EPHB2: variants seen among roughly 807,000 people sequenced by gnomAD.
The protein encoded by EPHB2 is ephrin type-B receptor 2.
EPHB2 carries 18 observed loss-of-function variants against 96.4 expected under a neutral mutation model. That is an observed-to-expected ratio of 0.19 (90% CI 0.13 to 0.28). The LOEUF (loss-of-function observed/expected upper bound fraction) is 0.28. Among genes scored for constraint, EPHB2 ranks in the 10% least tolerant of loss-of-function variants. The probability of loss-of-function intolerance (pLI) is 1.00; values close to 1 mark genes in which losing one functional copy is unlikely to be tolerated. For synonymous variants in EPHB2, 506 were observed against 534.1 expected, an observed-to-expected ratio of 0.95 and a Z score of 0.72; for missense variants, 989 against 1,355.4, an observed-to-expected ratio of 0.73 and a Z score of 4.25.
chr1:22,785,632 G>A (rs938948172), intron 3 of EPHB2, among the ~76,000 whole-genome samples: 4 of 152,190 alleles, frequency 2.6e-5, no homozygotes, highest in African/African-American at 7.2e-5. Context: ...CCATCTGCAG[G>A]GCAGACAGAT....
chr1:22,884,657 G>A (rs1418980290), intron 6 of EPHB2, among the ~76,000 whole-genome samples: 1 of 151,202 alleles, frequency 6.6e-6, no homozygotes, highest in Non-Finnish European at 1.5e-5. Context: ...GAACCAATGG[G>A]TGGCTGGATA....
At chr1:22,853,357 C>T (rs1019409265) in intron 3 of EPHB2, among the ~76,000 whole-genome samples, 7 of 152,182 alleles carry the variant, frequency 4.6e-5, no homozygotes, top group African/African-American at 1.2e-4. Flanking sequence ...AAGCCTCTAT[C>T]GATCACCTCT....
At chr1:22,770,197 ATAGG>A (rs1275231351) in intron 1 of EPHB2, among the ~76,000 whole-genome samples, 5 of 152,092 alleles carry the variant, frequency 3.3e-5, no homozygotes, top group South Asian at 2.1e-4. Context: ...GGATGGGTAA[ATAGG>A]TAGGTGGGTG....
intron 3 of EPHB2, among the ~76,000 whole-genome samples, chr1:22,841,558 G>A (rs1198862285): frequency 1.3e-5 from 2 of 152,312 alleles, no homozygotes; most frequent in Admixed American, 6.5e-5. Flanking sequence ...AATAGAGATG[G>A]CATCTCCCTC....
chr1:22,772,426 G>A (rs965255499), intron 1 of EPHB2, among the ~76,000 whole-genome samples: 3 of 152,194 alleles, frequency 2.0e-5, no homozygotes, highest in African/African-American at 7.2e-5. Context: ...AGAGTCCTCG[G>A]GCAGAAGGAT....
intron 3 of EPHB2, among the ~76,000 whole-genome samples, chr1:22,805,373 A>T (rs1271548234): frequency 6.6e-6 from 1 of 152,180 alleles, no homozygotes; most frequent in Non-Finnish European, 1.5e-5. Context: ...CTGCCAGCCC[A>T]GAGTGGGCTG....
chr1:22,887,732 G>T (rs904909026), intron 6 of EPHB2, among the ~76,000 whole-genome samples: 3 of 152,212 alleles, frequency 2.0e-5, no homozygotes, highest in African/African-American at 7.2e-5. Context: ...GGTCCCCCAA[G>T]AACTCAAGGA....
intron 1 of EPHB2, among the ~76,000 whole-genome samples, chr1:22,734,560 T>C (rs1643784992): frequency 6.6e-6 from 1 of 152,054 alleles, no homozygotes; most frequent in African/African-American, 2.4e-5. Flanking sequence ...TAGCTGGGAT[T>C]ACAGGTGTGC....
rs1227880150 is a variant in EPHB2 at position 22,914,751 on chromosome 1, A to T, written c.*1181A>T. ...TCCCACCTGCCACCAGGCCTCACCA[A>T]AGCCCACTGCCATGGGGCCATCTGG... On this transcript the variant is annotated 3_prime_UTR_variant, in exon 16 of 16. Coordinates refer to ENST00000374630, the MANE Select transcript of EPHB2 (RefSeq NM_017449.5). The T allele has an allele frequency of 2.0e-5, 3 of 152,538 alleles. No individual in the cohort carries two copies. Among genetic ancestry groups the T allele is most frequent in the African/African-American group, 7.2e-5 (3 of 41,420 alleles). The allele number at this position is 152,538 out of a possible 1,614,324, so 9.4% of individuals were successfully genotyped here.
At chr1:22,795,477 T>A (rs1342566978) in intron 3 of EPHB2, among the ~76,000 whole-genome samples, 5 of 152,078 alleles carry the variant, frequency 3.3e-5, no homozygotes, top group African/African-American at 7.2e-5. Context: ...TTTTGTTTTG[T>A]TTTGTTTTGT....
intron 1 of EPHB2, among the ~76,000 whole-genome samples, chr1:22,754,807 G>A (rs1375717693): frequency 3.0e-5 from 4 of 133,270 alleles, no homozygotes; most frequent in Admixed American, 7.4e-5. Context: ...GGGGAGGTGA[G>A]AGGCAGGGGA....
At chr1:22,863,228 C>A in intron 4 of EPHB2, 36 bp downstream of exon 4, 1 of 1,613,690 alleles carries the variant, frequency 6.2e-7, no homozygotes, top group South Asian at 1.1e-5. Context: ...GATGGCTGGC[C>A]GAGTCCCAGG....
intron 1 of EPHB2, among the ~76,000 whole-genome samples, chr1:22,718,376 A>AT (rs1643346482): frequency 7.5e-6 from 1 of 133,288 alleles, no homozygotes; most frequent in African/African-American, 3.0e-5. Context: ...ATGGCTGTCA[A>AT]TTCTTTTTTT....
intron 1 of EPHB2, among the ~76,000 whole-genome samples, chr1:22,754,253 C>T (rs919999879): frequency 2.0e-5 from 3 of 152,176 alleles, no homozygotes; most frequent in Non-Finnish European, 4.4e-5. Context: ...TTGTGGTTCC[C>T]AGCTGTCAGT....
At chr1:22,886,620 CTT>C (rs869229952) in intron 6 of EPHB2, among the ~76,000 whole-genome samples, 1,753 of 96,084 alleles carry the variant, frequency 0.018, 38 homozygotes, top group African/African-American at 0.069. Flanking sequence ...CCAGCAGAGT[CTT>C]TTTTTTTTTT....
intron 3 of EPHB2, among the ~76,000 whole-genome samples, chr1:22,851,168 A>G (rs963000236): frequency 6.6e-6 from 1 of 152,004 alleles, no homozygotes; most frequent in Non-Finnish European, 1.5e-5. Flanking sequence ...CTCATTTTTT[A>G]AAATTTTTTT....
chr1:22,784,155 G>A lies in EPHB2; in HGVS notation c.127-237G>A, dbSNP rs1322909671. Among the ~76,000 whole-genome samples, 6 of 152,134 alleles carry A rather than the reference G, an allele frequency of 3.9e-5. No individual in the cohort carries two copies. The highest frequency in any genetic ancestry group is 1.2e-4 in the African/African-American group (5 of 41,430). On this transcript the variant is annotated intron_variant, in intron 2 of 15. Transcript: ENST00000374630. This position sits in a 1 kb window ranked among gnomAD's most constrained non-coding sequence, Gnocchi z 5.1. ...GGTCCCTGTCTCCTTTATCAGATTA[G>A]TGTACCCCTGACAGTAAGGGCAATG...
In EPHB2 at chr1:22,737,002, G is replaced by T. The variant is rs1283923409; in HGVS notation, c.61+25959G>T. ...ACCTGGGACTCCCCCAGGCCTCCAG[G>T]TGTCTGCGAATCCAGCCATCGGCGT... On this transcript the variant is annotated intron_variant, in intron 1 of 15. Coordinates refer to ENST00000374630, the MANE Select transcript of EPHB2 (RefSeq NM_017449.5). Among the ~76,000 whole-genome samples, 7 of 152,288 alleles carry T rather than the reference G, an allele frequency of 4.6e-5. No homozygotes were observed. The East Asian group carries it at 1.2e-3, about 25-fold the overall frequency.
At chr1:22,834,663 G>GCC (rs1240298165) in intron 3 of EPHB2, among the ~76,000 whole-genome samples, 1 of 152,056 alleles carries the variant, frequency 6.6e-6, no homozygotes, top group Non-Finnish European at 1.5e-5. Flanking sequence ...GGTGGCTCAT[G>GCC]CCTGTAATTC....
Sources: gnomAD v4.1 joint callset for allele counts (sites outside exome capture counted in the v4.1 genomes callset) on GRCh38, gnomAD v4.1.1 for gene constraint, Gnocchi (gnomAD v3.1) non-coding constraint, MANE v1.5 for transcripts, NCBI Gene and HGNC (gene_info 2026-07-23, HGNC 2026-07-21) for gene names.